Variants in GALNT14 observed in about 807,000 individuals in gnomAD.
GALNT14 encodes UDP-GalNAc:polypeptide N-acetylgalactosaminyltransferase 14.
In GALNT14, 60 loss-of-function variants were observed where a neutral mutation model predicts 77.5. The ratio of observed to expected loss-of-function variants is 0.77; its 90% CI spans 0.63 to 0.96. The LOEUF (loss-of-function observed/expected upper bound fraction) is 0.96. Among genes scored for constraint, GALNT14 ranks in the 40% least tolerant of loss-of-function variants. GALNT14 has a pLI of 0.00. For missense variants in GALNT14, 710 were observed against 731.0 expected (o/e 0.97, Z 0.33); for synonymous variants, 280 against 281.7 (o/e 0.99, Z 0.06).
intron 1 of GALNT14, among the ~76,000 whole-genome samples, chr2:31,041,208 A>G (rs930769950): frequency 1.3e-5 from 2 of 152,186 alleles, no homozygotes; most frequent in Non-Finnish European, 2.9e-5. Context: ...GATAAAGGAG[A>G]GGATTAAGAT....
At chr2:30,974,952 G>T (rs1367395381) in intron 2 of GALNT14, among the ~76,000 whole-genome samples, 2 of 152,194 alleles carry the variant, frequency 1.3e-5, no homozygotes, top group Non-Finnish European at 2.9e-5. Context: ...AGAGGAAAAT[G>T]TCCTTTGCCA....
chr2:31,108,604 C>A (rs2194463), intron 1 of GALNT14, among the ~76,000 whole-genome samples: 1 of 152,160 alleles, frequency 6.6e-6, no homozygotes, highest in Non-Finnish European at 1.5e-5. Flanking sequence ...ATTGGGCATT[C>A]GGTTTTTCCA....
rs572150941 is a variant in GALNT14 at position 30,965,210 on chromosome 2, G to A, written c.398+994C>T. ...ACTCTGAGATCAGAGTGCAAGGCCT[G>A]GAATCCTGCCTCACTATCACTGGCT... On this transcript the variant is annotated intron_variant, in intron 3 of 14. Coordinates refer to ENST00000349752, the MANE Select transcript of GALNT14 (RefSeq NM_024572.4). Among the ~76,000 whole-genome samples, 3 of 147,544 alleles carry A rather than the reference G, an allele frequency of 2.0e-5. No homozygotes were observed. In the South Asian group the frequency reaches 6.5e-4, roughly 32 times the overall value.
At chr2:30,998,262 G>T (rs1416273761) in intron 1 of GALNT14, among the ~76,000 whole-genome samples, 1 of 152,122 alleles carries the variant, frequency 6.6e-6, no homozygotes, top group Non-Finnish European at 1.5e-5. Context: ...ATGCTTCAAG[G>T]AGAAATCTTG....
intron 1 of GALNT14, among the ~76,000 whole-genome samples, chr2:31,130,786 G>GCA: frequency 7.3e-6 from 1 of 136,992 alleles, no homozygotes; most frequent in East Asian, 2.1e-4. Context: ...GTGTGTGTGC[G>GCA]CGCGCACCTG....
At chr2:31,077,414 T>A (rs776210384) in intron 1 of GALNT14, among the ~76,000 whole-genome samples, 2 of 152,244 alleles carry the variant, frequency 1.3e-5, no homozygotes, top group Non-Finnish European at 2.9e-5. Context: ...CTCTCCATTT[T>A]AACATCTGTC....
chr2:31,097,277 T>A (rs1182432461), intron 1 of GALNT14, among the ~76,000 whole-genome samples: 1 of 152,108 alleles, frequency 6.6e-6, no homozygotes, highest in Non-Finnish European at 1.5e-5. Flanking sequence ...TGAGGCACAG[T>A]GGACATTTGT....
chr2:31,097,538 AT>A (rs1558567139), intron 1 of GALNT14, among the ~76,000 whole-genome samples: 1 of 151,660 alleles, frequency 6.6e-6, no homozygotes. Flanking sequence ...AAAAAAAAAA[AT>A]TGAATGAAAT....
chr2:31,107,844 C>G lies in GALNT14; in HGVS notation c.129+30114G>C, dbSNP rs111614064. 8.8e-3 allele frequency among the ~76,000 whole-genome samples: 1,333 copies of G among 152,262 alleles called. 19 individuals are homozygous for G. Among genetic ancestry groups the G allele is most frequent in the African/African-American group, 0.03 (1,253 of 41,548 alleles). On this transcript the variant is annotated intron_variant, in intron 1 of 14. Transcript: ENST00000349752. The stretch of plus-strand genomic sequence containing the variant: ...TTCCATGGTGCTGATGATTTCACCT[C>G]GGTCCTGTTTCTCCTTTAACTTTCC...
chr2:31,079,024 G>A (rs992680446), intron 1 of GALNT14: 9 of 1,286,644 alleles, frequency 7.0e-6, no homozygotes, highest in South Asian at 2.5e-5. Flanking sequence ...CATTCAGAAC[G>A]AAATGGGTAG....
chr2:31,138,109 C>T lies in GALNT14; in HGVS notation c.-23G>A, dbSNP rs748831432. 6.2e-7 allele frequency: 1 copy of T among 1,613,372 alleles called. No homozygotes were observed. The highest frequency in any genetic ancestry group is 1.1e-5 in the South Asian group (1 of 91,064). ...CATGGTCCCCTTTGCCGCTTCCTCT[C>T]CGCGGCGCTACGTCCCGGGGGCACC... On this transcript the variant is annotated 5_prime_UTR_variant, in exon 1 of 15. Coordinates refer to ENST00000349752, the MANE Select transcript of GALNT14 (RefSeq NM_024572.4).
At chr2:31,007,783 TA>T (rs1423471589) in intron 1 of GALNT14, among the ~76,000 whole-genome samples, 2 of 152,202 alleles carry the variant, frequency 1.3e-5, no homozygotes, top group Non-Finnish European at 2.9e-5. Context: ...CTTAGTGCAT[TA>T]AAATCAGATT....
At chr2:31,130,141 T>C (rs2148650271) in intron 1 of GALNT14, among the ~76,000 whole-genome samples, 1 of 152,342 alleles carries the variant, frequency 6.6e-6, no homozygotes. Context: ...AAGTGCCTCA[T>C]CTTGTCTCCA....
rs936177174 is a variant in GALNT14, at chr2:30,992,092, G to A, written c.299+746C>T. Among the ~76,000 whole-genome samples the A allele has an allele frequency of 5.9e-5, 9 of 152,312 alleles. 1 individual carries two copies. Among genetic ancestry groups the A allele is most frequent in the East Asian group, 1.9e-4 (1 of 5,188 alleles). On this transcript the variant is annotated intron_variant, in intron 2 of 14. Coordinates refer to ENST00000349752, the MANE Select transcript of GALNT14 (RefSeq NM_024572.4). ...CCCCCAGTTTGGAGGCCAGGAGCCC[G>A]GGAGTGGAGGAGCTGAGATTGAGAC... is the stretch of plus-strand genomic sequence containing the variant.
At chr2:31,106,155 A>G (rs1202241253) in intron 1 of GALNT14, among the ~76,000 whole-genome samples, 1 of 152,160 alleles carries the variant, frequency 6.6e-6, no homozygotes, top group African/African-American at 2.4e-5. Context: ...TAATCTTGGT[A>G]TGAGCTGTTC....
At chr2:30,975,495 T>C (rs1668578254) in intron 2 of GALNT14, among the ~76,000 whole-genome samples, 1 of 152,262 alleles carries the variant, frequency 6.6e-6, no homozygotes, top group Non-Finnish European at 1.5e-5. Context: ...TGAACTATTT[T>C]ACTTATCTTT....
rs929547496 is a variant in GALNT14, at chr2:30,955,662, C to T, written c.610G>A (p.Val204Met). 1 of 1,614,236 alleles carries T rather than the reference C, an allele frequency of 6.2e-7. No homozygotes were observed. Among genetic ancestry groups the T allele is most frequent in the Non-Finnish European group, 8.5e-7 (1 of 1,180,044 alleles). Residue 204 changes from valine (V) to methionine (M), a missense_variant, in exon 6 of 15, where the codon GTG becomes ATG. Val to Met is a conservative substitution (Grantham distance 21, BLOSUM62 1). Coordinates refer to ENST00000349752, the MANE Select transcript of GALNT14 (RefSeq NM_024572.4). ...AGAGGCTGGAGCCAGTCCCTGTTCACCTCACAGTGGCTGTCGAGGAAAGTC... is the reference window on the plus strand; with the variant it reads ...AGAGGCTGGAGCCAGTCCCTGTTCATCTCACAGTGGCTGTCGAGGAAAGTC... The part of the protein sequence containing the change: ...TLTFLDSHCE[V>M]NRDWLQPLLH...
chr2:30,989,579 T>TATAC (rs1553351610), intron 2 of GALNT14, among the ~76,000 whole-genome samples: 1 of 127,218 alleles, frequency 7.9e-6, no homozygotes. Context: ...TATATATATA[T>TATAC]ATAAAAATAT....
chr2:31,101,807 C>A (rs1459790719), intron 1 of GALNT14, among the ~76,000 whole-genome samples: 4 of 152,082 alleles, frequency 2.6e-5, no homozygotes, highest in Non-Finnish European at 5.9e-5. Context: ...AATCCCCACA[C>A]ATTGTGGGAG....
Sources: allele counts gnomAD v4.1 joint callset (sites outside exome capture counted in the v4.1 genomes callset), GRCh38; gene constraint gnomAD v4.1.1; transcripts MANE v1.5; gene names NCBI Gene and HGNC (gene_info 2026-07-23, HGNC 2026-07-21).